ADGRF1: variants seen among roughly 807,000 people sequenced by gnomAD.
ADGRF1 encodes the protein G protein-coupled receptor 110.
ADGRF1 carries 85 observed loss-of-function variants against 87.2 expected under a neutral mutation model. The observed-to-expected ratio is 0.97, with a 90% CI of 0.82 to 1.17. The LOEUF (loss-of-function observed/expected upper bound fraction) is 1.17, where lower values mean the gene tolerates loss of function less well. ADGRF1 is among the 50% of genes most tolerant of loss of function. The pLI, the probability that ADGRF1 is intolerant of heterozygous loss-of-function variation, is 0.00. For missense variants in ADGRF1, 1,169 were observed against 1,077.2 expected (o/e 1.09, Z -1.19); for synonymous variants, 430 against 408.8 (o/e 1.05, Z -0.63).
intron 1 of ADGRF1, among the ~76,000 whole-genome samples, chr6:47,034,147 CTG>C (rs1318296704): frequency 6.6e-6 from 1 of 152,068 alleles, no homozygotes; most frequent in African/African-American, 2.4e-5. Context: ...AGTTAAAACT[CTG>C]TGGGCTCGGT....
At position 47,007,292 on chromosome 6, in the gene ADGRF1, T is replaced by C; in HGVS notation, c.2493A>G (p.Gly831=). ...VIFALLNAFQ[G]FFILCFGILL... is the part of the protein sequence containing the mutation. ...GTATTCCAAAGCATAAGATAAAAAA[T>C]CCCTTTAAAAAGAAAGGAATAAATC... is the stretch of plus-strand genomic sequence containing the variant. The change falls in exon 12 of 15, where the codon GGA becomes GGG. Residue 831 remains glycine, a splice_region_variant and synonymous_variant. Coordinates refer to ENST00000371253, the MANE Select transcript of ADGRF1 (RefSeq NM_153840.4). 2 of 1,527,510 alleles carry C rather than the reference T, an allele frequency of 1.3e-6. No homozygotes were observed. Among genetic ancestry groups the C allele is most frequent in the Non-Finnish European group, 1.8e-6 (2 of 1,103,850 alleles). 94.6% of individuals were successfully genotyped at this position (1,527,510 alleles called of 1,614,324 possible).
chr6:47,035,643 G>C (rs1237819245), intron 1 of ADGRF1, among the ~76,000 whole-genome samples: 1 of 152,056 alleles, frequency 6.6e-6, no homozygotes, highest in African/African-American at 2.4e-5. Flanking sequence ...TCAGCCCAAA[G>C]AATCAAGTAT....
At chr6:47,014,531 G>T in intron 9 of ADGRF1, 150 bp downstream of exon 9, 1 of 1,429,600 alleles carries the variant, frequency 7.0e-7, no homozygotes, top group East Asian at 2.6e-5. Flanking sequence ...GACTCCACGG[G>T]TTCACCAGGG....
At chr6:47,011,266 T>C (rs1684514988) in intron 10 of ADGRF1, among the ~76,000 whole-genome samples, 1 of 152,254 alleles carries the variant, frequency 6.6e-6, no homozygotes, top group Non-Finnish European at 1.5e-5. Flanking sequence ...CTTACTGATA[T>C]TTAGTGTCAC....
At position 47,009,720 on chromosome 6, in the gene ADGRF1, A is replaced by G. The variant is rs775556430; in HGVS notation, c.1715T>C (p.Leu572Ser). The G allele has an allele frequency of 3.1e-5, 50 of 1,614,080 alleles. No homozygotes were observed. The South Asian group carries it at 3.7e-4, about 12-fold the overall frequency. The change falls in exon 11 of 15, where the codon TTG becomes TCG. Residue 572 changes from leucine (L) to serine (S), a missense_variant. Physicochemically the swap from Leu to Ser is moderately radical, Grantham distance 145. Coordinates refer to ENST00000371253, the MANE Select transcript of ADGRF1 (RefSeq NM_153840.4). Reference protein sequence around the residue: ...QCTHLTSFSILMSPFVPSTIF... With the variant: ...QCTHLTSFSISMSPFVPSTIF... ...TGTAGAGGGGACAAAAGGTGACATC[A>G]ATATGGAGAAGGAGGTCAAGTGAGT... is the stretch of plus-strand genomic sequence containing the variant.
rs1779654804 is a variant in ADGRF1, at chr6:47,009,941, A to G, written c.1494T>C (p.Asn498=). 1 of 1,614,136 alleles carries G rather than the reference A, an allele frequency of 6.2e-7. No homozygotes were observed. The highest frequency in any genetic ancestry group is 8.5e-7 in the Non-Finnish European group (1 of 1,179,954). Residue 498 remains asparagine, a synonymous_variant, in exon 11 of 15, where the codon AAT becomes AAC. Transcript: ENST00000371253. The stretch of plus-strand genomic sequence containing the variant: ...ATATCACAGGTCCATTGACCTGAGC[A>G]TTTCCATTTTTGGAAACGGGTAGAA... The part of the protein sequence containing the change: ...GNILPVSKNG[N]AQVNGPVIST...
intron 12 of ADGRF1, 82 bp from the exon 13 acceptor site, chr6:47,005,958 G>A: frequency 1.2e-6 from 1 of 815,742 alleles, no homozygotes. Context: ...AGGTTGAAAT[G>A]GTTATTTAAT....
In ADGRF1 at chr6:47,025,734, T is replaced by C. The variant is rs1410016493; in HGVS notation, c.277+120A>G. The C allele has an allele frequency of 4.5e-5, 43 of 952,032 alleles. 1 individual carries two copies. The Admixed American group carries it at 6.6e-4, about 15-fold the overall frequency. 59.0% of individuals were successfully genotyped at this position (952,032 alleles called of 1,614,324 possible). On this transcript the variant is annotated intron_variant, in intron 4 of 14. Transcript: ENST00000371253. ...TGTAGCATGAAGAAGATATAAAGCA[T>C]TTATTCTTTTAAATCACAGAGATTG...
intron 7 of ADGRF1, 182 bp from the exon 8 acceptor site, chr6:47,016,950 A>G (rs1779900073): frequency 2.3e-6 from 1 of 437,294 alleles, no homozygotes; most frequent in Non-Finnish European, 3.3e-6. Flanking sequence ...TATATATATG[A>G]TATATATATA....
chr6:47,008,594 G>C (rs1234643901), intron 11 of ADGRF1, among the ~76,000 whole-genome samples: 1 of 152,140 alleles, frequency 6.6e-6, no homozygotes, highest in Non-Finnish European at 1.5e-5. Context: ...GCACCATTCA[G>C]AGTCAACAAG....
At chr6:47,028,808 A>T (rs1012124487) in intron 2 of ADGRF1, among the ~76,000 whole-genome samples, 185 bp downstream of exon 2, 2 of 152,190 alleles carry the variant, frequency 1.3e-5, no homozygotes, top group African/African-American at 4.8e-5. Flanking sequence ...AAGAGATGAA[A>T]TGACTTACTT....
At position 47,020,502 on chromosome 6, in the gene ADGRF1, C is replaced by CAAAAA; in HGVS notation, c.611+224_611+228dup. The CAAAAA allele has an allele frequency of 6.4e-6, 8 of 1,245,674 alleles. No individual in the cohort carries two copies. In the African/African-American group the frequency reaches 7.9e-5, roughly 12 times the overall value. The allele number at this position is 1,245,674 out of a possible 1,614,324, so 77.2% of individuals were successfully genotyped here. A position where few individuals can be genotyped will look rare whatever the true frequency, so the allele number is the denominator to read the frequency against. On this transcript the variant is annotated intron_variant, in intron 7 of 14. Coordinates refer to ENST00000371253, the MANE Select transcript of ADGRF1 (RefSeq NM_153840.4). ...TTGGGCGACAAGAGTGACATTCTGT[C>CAAAAA]AAAAAAAAAAAAAAATTTAAGGTCC...
intron 7 of ADGRF1, chr6:47,019,318 A>G: frequency 1.0e-6 from 1 of 982,520 alleles, no homozygotes; most frequent in East Asian, 1.1e-4. Flanking sequence ...TGAATTTTAA[A>G]GAAAACTATT....
rs751093145 is a variant in ADGRF1, at chr6:47,009,800, G to GCA, written c.1634_1635insTG (p.Asp546AlafsTer7). 1.2e-6 allele frequency: 2 copies of GCA among 1,614,088 alleles called. No homozygotes were observed. Among genetic ancestry groups the GCA allele is most frequent in the Non-Finnish European group, 1.7e-6 (2 of 1,179,998 alleles). On this transcript the variant is annotated frameshift_variant, in exon 11 of 15. Transcript: ENST00000371253. LOFTEE classifies it high-confidence loss of function. The stretch of plus-strand genomic sequence containing the variant: ...CATTCACTAGGTGGCAGCCTGCATC[G>GCA]TTCCACTGCAAATGACTGAAATCCC...
chr6:47,018,875 C>G (rs1779957214), intron 7 of ADGRF1: 1 of 235,050 alleles, frequency 4.3e-6, no homozygotes, highest in Non-Finnish European at 8.5e-6. Flanking sequence ...AGGAAGATCA[C>G]TAGAGCCCAG....
intron 1 of ADGRF1, 102 bp from the exon 2 acceptor site, chr6:47,029,206 G>T (rs576496928): frequency 9.3e-6 from 6 of 644,488 alleles, no homozygotes; most frequent in Non-Finnish European, 1.7e-5. Flanking sequence ...GAGCTGATCC[G>T]AACCCCTGGG....
At chr6:47,001,781 G>A (rs1779371530) in intron 13 of ADGRF1, 1 of 451,388 alleles carries the variant, frequency 2.2e-6, no homozygotes, top group Admixed American at 4.0e-5. Flanking sequence ...TGAATGCTGT[G>A]TTCCTGTGTA....
At chr6:47,039,793 C>T (rs1408016316) in intron 1 of ADGRF1, among the ~76,000 whole-genome samples, 1 of 152,060 alleles carries the variant, frequency 6.6e-6, no homozygotes, top group Non-Finnish European at 1.5e-5. Flanking sequence ...GAAACTCTGT[C>T]TCTACTAAAA....
At chr6:47,038,161 G>A (rs962474627) in intron 1 of ADGRF1, among the ~76,000 whole-genome samples, 10 of 152,110 alleles carry the variant, frequency 6.6e-5, no homozygotes, top group Admixed American at 3.9e-4. Context: ...GTGTCCGGCC[G>A]AAGAATGTGT....
Sources: allele counts gnomAD v4.1 joint callset (sites outside exome capture counted in the v4.1 genomes callset), GRCh38; gene constraint gnomAD v4.1.1; transcripts MANE v1.5; gene names NCBI Gene and HGNC (gene_info 2026-07-23, HGNC 2026-07-21).